PLAT: variants seen among roughly 807,000 people sequenced by gnomAD.
PLAT encodes tissue-type plasminogen activator.
PLAT carries 48 observed loss-of-function variants against 74.9 expected under a neutral mutation model. The ratio of observed to expected loss-of-function variants is 0.64; its 90% confidence interval spans 0.51 to 0.82. The LOEUF (loss-of-function observed/expected upper bound fraction) is 0.82. PLAT is among the 40% of genes least tolerant of loss of function. PLAT has a pLI of 0.00. For missense variants in PLAT, 673 were observed against 736.2 expected (o/e 0.91, Z 0.99); for synonymous variants, 307 against 294.4 (o/e 1.04, Z -0.44).
intron 1 of PLAT, chr8:42,195,515 T>G (rs748249222): frequency 6.6e-6 from 1 of 152,258 alleles, no homozygotes; most frequent in African/African-American, 2.4e-5. Context: ...GCTCTTTGGG[T>G]GTCCCTTTCT....
Position 42,184,694 on chromosome 8 carries a change from G to GTT in PLAT, c.631+385_631+386dup, listed in dbSNP as rs71548565. ...AATATATATTTTTTCAATCTTGGAAGTTTTTTTTTTTTTTTTTTTGCATTA... is the reference window on the plus strand; with the variant it reads ...AATATATATTTTTTCAATCTTGGAAGTTTTTTTTTTTTTTTTTTTTTGCATTA... On this transcript the variant is annotated intron_variant, in intron 7 of 13. Transcript: ENST00000220809. The GTT allele has an allele frequency of 8.8e-3, 1,110 of 125,456 alleles. 14 individuals are homozygous for GTT. Among genetic ancestry groups the GTT allele is most frequent in the South Asian group, 0.013 (48 of 3,622 alleles). The allele number at this position is 125,456 out of a possible 1,614,324, so 7.8% of individuals were successfully genotyped here. A position where few individuals can be genotyped will look rare whatever the true frequency, so the allele number is the denominator to read the frequency against.
chr8:42,194,247 T>A (rs933647526), intron 1 of PLAT, among the ~76,000 whole-genome samples: 3,508 of 34,354 alleles, frequency 0.1, 39 homozygotes, highest in Non-Finnish European at 0.12. Flanking sequence ...AGAGAGTGTG[T>A]GTGTGTGTGT....
intron 1 of PLAT, among the ~76,000 whole-genome samples, chr8:42,204,907 T>C (rs543389044): frequency 6.6e-6 from 1 of 151,590 alleles, no homozygotes; most frequent in East Asian, 2.0e-4. Context: ...ACTACCAAGG[T>C]ATGAAAGGAA....
At chr8:42,191,343 A>T in intron 3 of PLAT, 29 bp downstream of exon 3, 1 of 1,604,594 alleles carries the variant, frequency 6.2e-7, no homozygotes, top group Non-Finnish European at 8.5e-7. Flanking sequence ...CTCCCTGATG[A>T]CCCCATGCAC....
chr8:42,180,905 C>A, intron 9 of PLAT: 1 of 513,796 alleles, frequency 1.9e-6, no homozygotes, highest in Non-Finnish European at 3.4e-6. Context: ...TGGATTAGTT[C>A]CCAAGTATGT....
At chr8:42,192,075 C>G (rs1283622878) in intron 2 of PLAT, among the ~76,000 whole-genome samples, 6 of 145,668 alleles carry the variant, frequency 4.1e-5, no homozygotes, top group African/African-American at 1.3e-4. Context: ...GTAATCATAT[C>G]TCACTGAAGT....
At chr8:42,201,477 T>C (rs1344243016) in intron 1 of PLAT, among the ~76,000 whole-genome samples, 2 of 152,140 alleles carry the variant, frequency 1.3e-5, no homozygotes. Flanking sequence ...GCAGAAGAGA[T>C]GCCACGCTTC....
intron 1 of PLAT, among the ~76,000 whole-genome samples, chr8:42,199,031 C>T (rs1806026461): frequency 6.6e-6 from 1 of 152,184 alleles, no homozygotes; most frequent in African/African-American, 2.4e-5. Context: ...GTGGCGTGCT[C>T]CCACGAAAGC....
At chr8:42,182,560 G>A in intron 8 of PLAT, 159 bp downstream of exon 8, 1 of 580,698 alleles carries the variant, frequency 1.7e-6, no homozygotes, top group South Asian at 2.5e-5. Flanking sequence ...CACAATATGT[G>A]TTATTCTAGC....
rs534599568 is a variant in PLAT at position 42,187,095 on chromosome 8, A to G, written c.539+303T>C. ...GTATCTATCATCTATTTATCTATCA[A>G]TCATCTATCAATCTATCATCTATCT... is the stretch of plus-strand genomic sequence containing the variant. On this transcript the variant is annotated intron_variant, in intron 6 of 13. Transcript: ENST00000220809. The G allele has an allele frequency of 8.9e-4, 244 of 275,402 alleles. 2 individuals carry two copies. The highest frequency in any genetic ancestry group is 2.9e-3 in the South Asian group (19 of 6,456). The allele number at this position is 275,402 out of a possible 1,614,324, so 17.1% of individuals were successfully genotyped here.
At chr8:42,195,228 C>T (rs1457590281) in intron 1 of PLAT, among the ~76,000 whole-genome samples, 3 of 152,006 alleles carry the variant, frequency 2.0e-5, no homozygotes, top group African/African-American at 7.3e-5. Context: ...AAACGAACTC[C>T]CCCGTGGGAG....
At chr8:42,197,039 C>A (rs1022590923) in intron 1 of PLAT, among the ~76,000 whole-genome samples, 3 of 152,162 alleles carry the variant, frequency 2.0e-5, no homozygotes, top group African/African-American at 7.2e-5. Flanking sequence ...CCCTGTCAGG[C>A]CACCCTAGCA....
intron 1 of PLAT, chr8:42,206,498 T>A (rs1381725359): frequency 6.6e-6 from 1 of 152,146 alleles, no homozygotes; most frequent in Non-Finnish European, 1.5e-5. Flanking sequence ...CAAGACCCCT[T>A]CCCGGGACTG....
rs895752863 is a variant in PLAT, at chr8:42,204,006, C to T, written c.-27+3488G>A. The stretch of plus-strand genomic sequence containing the variant: ...ATATATATATATACACACACACACA[C>T]ACACACACACACACACACACACATA... On this transcript the variant is annotated intron_variant, in intron 1 of 13. Coordinates refer to ENST00000220809, the MANE Select transcript of PLAT (RefSeq NM_000930.5). Among the ~76,000 whole-genome samples, 762 of 132,744 alleles carry T rather than the reference C, an allele frequency of 5.7e-3. 2 individuals carry two copies. Among genetic ancestry groups the T allele is most frequent in the Middle Eastern group, 0.015 (4 of 260 alleles). 87.1% of individuals were successfully genotyped at this position (132,744 alleles called of 152,430 possible). A position where few individuals can be genotyped will look rare whatever the true frequency, so the allele number is the denominator to read the frequency against.
chr8:42,176,231 C>A, intron 13 of PLAT, 80 bp from the exon 14 acceptor site: 1 of 1,009,552 alleles, frequency 9.9e-7, no homozygotes, highest in East Asian at 2.6e-5. Flanking sequence ...GCATGAACAT[C>A]GTAATCTTCA....
At position 42,193,157 on chromosome 8, in the gene PLAT, C is replaced by T; in HGVS notation, c.29G>A (p.Cys10Tyr). Reference sequence around the variant, plus strand: ...GACTGCTCCACACAGCAGCAGCACACAGCAGAGCCCTCTCTTCATTGCATC... The same window carrying T: ...GACTGCTCCACACAGCAGCAGCACATAGCAGAGCCCTCTCTTCATTGCATC... MDAMKRGLC[C>Y]VLLLCGAVFV... Residue 10 changes from cysteine to tyrosine, a missense_variant, in exon 2 of 14, where the codon TGT (cysteine) becomes TAT (tyrosine). Cys to Tyr is a radical substitution (Grantham distance 194). Coordinates refer to ENST00000220809, the MANE Select transcript of PLAT (RefSeq NM_000930.5). The T allele has an allele frequency of 1.2e-6, 2 of 1,614,040 alleles. No homozygotes were observed. The highest frequency in any genetic ancestry group is 1.7e-6 in the Non-Finnish European group (2 of 1,179,912).
intron 1 of PLAT, among the ~76,000 whole-genome samples, chr8:42,201,896 A>G (rs562534182): frequency 1.4e-3 from 210 of 152,372 alleles, no homozygotes; most frequent in Non-Finnish European, 2.5e-3. Context: ...GCTTTCTCTC[A>G]GTAGCCCAGG....
chr8:42,194,241 A>AGAGAGAGAGTGTGTGTGTGTGTGTGT (rs1419569830), intron 1 of PLAT, among the ~76,000 whole-genome samples: 1 of 52,542 alleles, frequency 1.9e-5, no homozygotes, highest in African/African-American at 6.7e-5. Flanking sequence ...AGAGAGAGAG[A>AGAGAGAGAGTGTGTGTGTGTGTGTGT]GTGTGTGTGT....
intron 13 of PLAT, among the ~76,000 whole-genome samples, chr8:42,178,550 G>A (rs901681621): frequency 2.6e-5 from 4 of 152,192 alleles, no homozygotes; most frequent in South Asian, 2.1e-4. Flanking sequence ...GATTACAGGC[G>A]TGAACCACCA....
Sources: allele counts gnomAD v4.1 joint callset (sites outside exome capture counted in the v4.1 genomes callset), GRCh38; gene constraint gnomAD v4.1.1; transcripts MANE v1.5; gene names NCBI Gene and HGNC (gene_info 2026-07-23, HGNC 2026-07-21).